FAM107B: variants seen among roughly 807,000 people sequenced by gnomAD.
FAM107B encodes the protein family with sequence similarity 107 member B.
Under a neutral mutation model 31.5 loss-of-function variants are expected in FAM107B, and 21 were observed. The observed-to-expected ratio is 0.67, with a 90% CI of 0.47 to 0.96. FAM107B has a LOEUF of 0.96. Ranked by LOEUF, FAM107B falls within the 40% of genes least tolerant of loss-of-function variation. The pLI, the probability that FAM107B is intolerant of heterozygous loss-of-function variation, is 0.00. For missense variants in FAM107B, 452 were observed against 377.1 expected (o/e 1.20, Z -1.64); for synonymous variants, 157 against 141.5 (o/e 1.11, Z -0.78).
chr10:14,646,100 G>A (rs185357656), intron 2 of FAM107B, among the ~76,000 whole-genome samples: 116 of 152,238 alleles, frequency 7.6e-4, no homozygotes, highest in African/African-American at 2.6e-3. Flanking sequence ...CAGATTGTCC[G>A]TAATGCATGG....
intron 1 of FAM107B, among the ~76,000 whole-genome samples, chr10:14,669,505 G>A (rs549651304): frequency 3.4e-4 from 52 of 151,912 alleles, no homozygotes; most frequent in African/African-American, 1.2e-3. Flanking sequence ...AACATCCATC[G>A]CCAGATAAAC....
At chr10:14,737,367 C>G (rs1168216330) in intron 1 of FAM107B, among the ~76,000 whole-genome samples, 1 of 152,074 alleles carries the variant, frequency 6.6e-6, no homozygotes, top group African/African-American at 2.4e-5. Context: ...CATGGGAGCA[C>G]TTCAGAACGT....
At chr10:14,633,740 T>C (rs1348600460) in intron 2 of FAM107B, among the ~76,000 whole-genome samples, 2 of 152,216 alleles carry the variant, frequency 1.3e-5, no homozygotes, top group Non-Finnish European at 2.9e-5. Context: ...ATTATAATTT[T>C]CCATTCTGCA....
chr10:14,526,093 A>G (rs1588469317), intron 3 of FAM107B, among the ~76,000 whole-genome samples: 3 of 152,210 alleles, frequency 2.0e-5, no homozygotes, highest in African/African-American at 7.2e-5. Context: ...TCACAGAACA[A>G]TGCCTACTCA....
chr10:14,616,900 C>G (rs1464837696), intron 2 of FAM107B, among the ~76,000 whole-genome samples: 1 of 151,772 alleles, frequency 6.6e-6, no homozygotes, highest in Non-Finnish European at 1.5e-5. Context: ...GCCTGGGTGA[C>G]ACAGGGAGAC....
At chr10:14,681,218 C>A (rs538591305) in intron 1 of FAM107B, among the ~76,000 whole-genome samples, 1 of 152,374 alleles carries the variant, frequency 6.6e-6, no homozygotes, top group African/African-American at 2.4e-5. Context: ...CCTGGCCCTA[C>A]CCCTCTTCAG....
At chr10:14,616,920 A>G (rs1852868303) in intron 2 of FAM107B, among the ~76,000 whole-genome samples, 1 of 152,164 alleles carries the variant, frequency 6.6e-6, no homozygotes, top group Non-Finnish European at 1.5e-5. Flanking sequence ...CCCTGTCTCA[A>G]AAAGATAAAA....
chr10:14,533,603 G>A (rs1847275313), intron 2 of FAM107B, among the ~76,000 whole-genome samples: 1 of 152,052 alleles, frequency 6.6e-6, no homozygotes, highest in East Asian at 1.9e-4. Flanking sequence ...TCCGCTTTCC[G>A]TCCCCTCATC....
intron 2 of FAM107B, among the ~76,000 whole-genome samples, chr10:14,578,481 A>C (rs186029633): frequency 6.6e-6 from 1 of 152,354 alleles, no homozygotes; most frequent in East Asian, 1.9e-4. Context: ...CTGGCTTATA[A>C]ATATGACAAG....
At chr10:14,771,025 G>A (rs912578155) in intron 1 of FAM107B, among the ~76,000 whole-genome samples, 18 of 140,668 alleles carry the variant, frequency 1.3e-4, no homozygotes, top group African/African-American at 4.7e-4. Flanking sequence ...GGCCTCTACA[G>A]AGGCAGCTTA....
chr10:14,604,770 TCA>T (rs71388189), intron 2 of FAM107B, among the ~76,000 whole-genome samples: 1 of 151,364 alleles, frequency 6.6e-6, no homozygotes, highest in African/African-American at 2.4e-5. Flanking sequence ...TCTGTCTCTC[TCA>T]CACACACATT....
intron 2 of FAM107B, among the ~76,000 whole-genome samples, chr10:14,651,204 G>A (rs1853889204): frequency 6.6e-6 from 1 of 152,210 alleles, no homozygotes; most frequent in Admixed American, 6.5e-5. Flanking sequence ...GGGAAATATT[G>A]TTTTAGAGCT....
At chr10:14,686,360 G>C (rs1444977865) in intron 1 of FAM107B, among the ~76,000 whole-genome samples, 2 of 149,482 alleles carry the variant, frequency 1.3e-5, no homozygotes, top group African/African-American at 5.0e-5. Flanking sequence ...CTGGACTCCA[G>C]CCTAGGCGAC....
At chr10:14,771,129 C>T (rs1458303326) in intron 1 of FAM107B, among the ~76,000 whole-genome samples, 1 of 151,848 alleles carries the variant, frequency 6.6e-6, no homozygotes. Flanking sequence ...TAAGGGAAAA[C>T]ATGCCATTGC....
At chr10:14,625,662 T>C (rs1175999557) in intron 2 of FAM107B, among the ~76,000 whole-genome samples, 1 of 152,018 alleles carries the variant, frequency 6.6e-6, no homozygotes, top group Non-Finnish European at 1.5e-5. Flanking sequence ...CTGAGCTGCG[T>C]TTTACAATCC....
At chr10:14,765,540 A>G (rs1164498054) in intron 1 of FAM107B, among the ~76,000 whole-genome samples, 1 of 152,230 alleles carries the variant, frequency 6.6e-6, no homozygotes, top group Non-Finnish European at 1.5e-5. Context: ...GAAAGCTGGC[A>G]TAAGAAGTGA....
intron 2 of FAM107B, among the ~76,000 whole-genome samples, chr10:14,551,217 G>A (rs1307458846): frequency 1.3e-5 from 2 of 152,066 alleles, no homozygotes; most frequent in African/African-American, 4.8e-5. Context: ...GATGAAGTTC[G>A]GCTCACTGCA....
At chr10:14,656,899 G>A (rs1252447402) in intron 2 of FAM107B, among the ~76,000 whole-genome samples, 3 of 152,166 alleles carry the variant, frequency 2.0e-5, no homozygotes, top group Non-Finnish European at 4.4e-5. Context: ...AAAGTTCCAT[G>A]CCTCCATTCC....
At chr10:14,645,878 A>C (rs1425196703) in intron 2 of FAM107B, among the ~76,000 whole-genome samples, 4 of 152,218 alleles carry the variant, frequency 2.6e-5, no homozygotes, top group Non-Finnish European at 5.9e-5. Flanking sequence ...ATCATGACAC[A>C]GAGGTGATTT....
Sources: gnomAD v4.1 joint callset for allele counts (sites outside exome capture counted in the v4.1 genomes callset) on GRCh38, gnomAD v4.1.1 for gene constraint, MANE v1.5 for transcripts, NCBI Gene and HGNC (gene_info 2026-07-23, HGNC 2026-07-21) for gene names.